The following GXYLT2 variants were observed in gnomAD, a reference collection of about 807,000 sequenced individuals.
The protein encoded by GXYLT2 is glucoside xylosyltransferase 2, also known as glycosyltransferase 8 domain containing 4.
In GXYLT2, 53 loss-of-function variants were observed where a neutral mutation model predicts 45.8. The ratio of observed to expected loss-of-function variants is 1.16; its 90% CI spans 0.93 to 1.46. The LOEUF (loss-of-function observed/expected upper bound fraction) is 1.46. GXYLT2 is among the 40% of genes most tolerant of loss of function. GXYLT2 has a pLI of 0.00. For missense variants in GXYLT2, 551 were observed against 544.4 expected, an observed-to-expected ratio of 1.01 and a Z score of -0.12; for synonymous variants, 219 against 214.2, an observed-to-expected ratio of 1.02 and a Z score of -0.19.
chr3:72,896,237 C>CA (rs1053724840), intron 1 of GXYLT2, among the ~76,000 whole-genome samples: 2 of 152,228 alleles, frequency 1.3e-5, no homozygotes, highest in African/African-American at 4.8e-5. Context: ...TGACACCGAA[C>CA]ATGCCACACC....
chr3:72,900,743 T>C (rs1019054330), intron 1 of GXYLT2, among the ~76,000 whole-genome samples: 4 of 152,122 alleles, frequency 2.6e-5, no homozygotes, highest in African/African-American at 7.2e-5. Context: ...ATTGCTATAC[T>C]ACCATTACCT....
chr3:72,943,422 G>A (rs910707614), intron 3 of GXYLT2, among the ~76,000 whole-genome samples: 19 of 151,354 alleles, frequency 1.3e-4, no homozygotes, highest in African/African-American at 4.6e-4. Flanking sequence ...TGTTGCCCAG[G>A]CTGGAGTGCA....
At chr3:72,930,592 CTT>C (rs71126806) in intron 3 of GXYLT2, among the ~76,000 whole-genome samples, 48 of 101,590 alleles carry the variant, frequency 4.7e-4, no homozygotes, top group South Asian at 1.5e-3. Context: ...TCTTCTTCTT[CTT>C]TTTTTTTTTT....
At chr3:72,952,250 G>C (rs1710542771) in intron 3 of GXYLT2, among the ~76,000 whole-genome samples, 1 of 151,870 alleles carries the variant, frequency 6.6e-6, no homozygotes. Flanking sequence ...TGATCTGCCT[G>C]CCTCAGCCTC....
intron 3 of GXYLT2, among the ~76,000 whole-genome samples, chr3:72,924,962 T>G (rs961371853): frequency 1.3e-5 from 2 of 151,942 alleles, no homozygotes; most frequent in Non-Finnish European, 2.9e-5. Context: ...GGTCATACTT[T>G]GATTTTGAGG....
intron 3 of GXYLT2, among the ~76,000 whole-genome samples, chr3:72,922,705 C>T (rs965214447): frequency 2.6e-5 from 4 of 152,196 alleles, no homozygotes; most frequent in African/African-American, 9.7e-5. Context: ...TGTTATTTCT[C>T]TTATCACAAT....
chr3:72,966,450 G>A (rs942419891), intron 5 of GXYLT2, among the ~76,000 whole-genome samples: 14 of 125,242 alleles, frequency 1.1e-4, no homozygotes, highest in African/African-American at 3.6e-4. Context: ...ACATTTTTTT[G>A]TGTGTATCTT....
At chr3:72,971,285 G>T (rs1352002504) in intron 6 of GXYLT2, among the ~76,000 whole-genome samples, 1 of 151,938 alleles carries the variant, frequency 6.6e-6, no homozygotes, top group Non-Finnish European at 1.5e-5. Context: ...TCCTCAGTTG[G>T]GCCTGAAAAT....
intron 1 of GXYLT2, among the ~76,000 whole-genome samples, chr3:72,898,104 G>T (rs1000062831): frequency 1.3e-5 from 2 of 152,020 alleles, no homozygotes; most frequent in African/African-American, 2.4e-5. Context: ...TTTGCTAGTG[G>T]TATTTAAAAT....
chr3:72,920,117 T>C (rs947998344), intron 2 of GXYLT2, among the ~76,000 whole-genome samples: 2 of 151,982 alleles, frequency 1.3e-5, no homozygotes, highest in Non-Finnish European at 2.9e-5. Flanking sequence ...TTCTTGTTTT[T>C]ACTTTTTTTA....
intron 5 of GXYLT2, among the ~76,000 whole-genome samples, chr3:72,963,128 G>A (rs149638454): frequency 6.6e-6 from 1 of 151,330 alleles, no homozygotes; most frequent in East Asian, 1.9e-4. Flanking sequence ...CCTGGGCAAC[G>A]TGGCAAGACC....
At chr3:72,915,361 G>GT (rs34660402) in intron 2 of GXYLT2, among the ~76,000 whole-genome samples, 6,995 of 122,916 alleles carry the variant, frequency 0.057, 543 homozygotes, top group Non-Finnish European at 0.074. Context: ...TTTTGCGGGG[G>GT]GGGGGGGGAT....
chr3:72,942,133 G>A, intron 3 of GXYLT2, among the ~76,000 whole-genome samples: 1 of 152,068 alleles, frequency 6.6e-6, no homozygotes, highest in East Asian at 1.9e-4. Flanking sequence ...AGAGGTAGGA[G>A]CCAACCTGAA....
intron 1 of GXYLT2, among the ~76,000 whole-genome samples, chr3:72,891,172 A>G (rs80340396): frequency 0.023 from 3,492 of 152,220 alleles, 144 homozygotes; most frequent in African/African-American, 0.079. Context: ...ATCTCTTTAC[A>G]TGGCTAGAAT....
In GXYLT2 at chr3:72,970,055, A is replaced by G. The variant is rs943733256; in HGVS notation, c.1149+2336A>G. ...CCAACATAGTGAGACCCCATCTCAA[A>G]AAAAAATAAAATCGGCCTGGTGTGG... On this transcript the variant is annotated intron_variant, in intron 6 of 6. Transcript: ENST00000389617. Among the ~76,000 whole-genome samples, 84 of 152,126 alleles carry G rather than the reference A, an allele frequency of 5.5e-4. 1 individual carries two copies. Among genetic ancestry groups the G allele is most frequent in the African/African-American group, 1.9e-3 (80 of 41,522 alleles).
chr3:72,926,384 A>T (rs555125877), intron 3 of GXYLT2, among the ~76,000 whole-genome samples: 2 of 152,348 alleles, frequency 1.3e-5, no homozygotes, highest in South Asian at 4.1e-4. Context: ...ATGACATGGG[A>T]TCATTATGAA....
At position 72,901,554 on chromosome 3, in the gene GXYLT2, C is replaced by CTTTTT. The variant is rs71124002; in HGVS notation, c.276-6793_276-6789dup. 3.4e-4 allele frequency among the ~76,000 whole-genome samples: 26 copies of CTTTTT among 77,192 alleles called. 1 individual carries two copies. The highest frequency in any genetic ancestry group is 6.2e-4 in the Admixed American group (3 of 4,822). The allele number at this position is 77,192 out of a possible 152,430, so 50.6% of individuals were successfully genotyped here. On this transcript the variant is annotated intron_variant, in intron 1 of 6. Coordinates refer to ENST00000389617, the MANE Select transcript of GXYLT2 (RefSeq NM_001080393.2). ...ACCATAGAATTTCAGAACATTTTCGCTTTTTTTTTTTTTTTTTTTTTTTTG... is the reference window on the plus strand; with the variant it reads ...ACCATAGAATTTCAGAACATTTTCGCTTTTTTTTTTTTTTTTTTTTTTTTTTTTTG...
intron 5 of GXYLT2, among the ~76,000 whole-genome samples, chr3:72,966,458 CTTTTT>C (rs10662974): frequency 4.9e-5 from 5 of 101,638 alleles, no homozygotes; most frequent in Non-Finnish European, 8.9e-5. Context: ...TTGTGTGTAT[CTTTTT>C]TTTTTTTTTT....
chr3:72,896,353 T>C (rs1305173101), intron 1 of GXYLT2, among the ~76,000 whole-genome samples: 3 of 151,400 alleles, frequency 2.0e-5, no homozygotes, highest in Non-Finnish European at 4.4e-5. Context: ...GGCAGGAGGA[T>C]TGGTTGAGCC....
Sources: allele counts gnomAD v4.1 joint callset (sites outside exome capture counted in the v4.1 genomes callset), GRCh38; gene constraint gnomAD v4.1.1; transcripts MANE v1.5; gene names NCBI Gene and HGNC (gene_info 2026-07-23, HGNC 2026-07-21).